MBTPS2: variants seen among roughly 807,000 people sequenced by gnomAD.
The protein encoded by MBTPS2 is membrane bound transcription factor peptidase, site 2.
In MBTPS2, 2 loss-of-function variants were observed where a neutral mutation model predicts 35.4. That is an observed-to-expected ratio of 0.06 (90% CI 0.02 to 0.18). MBTPS2 has a LOEUF of 0.18. MBTPS2 is among the 10% of genes least tolerant of loss of function. The pLI is 1.00. For missense variants in MBTPS2, 244 were observed against 386.5 expected (o/e 0.63, Z 3.09); for synonymous variants, 125 against 140.4 (o/e 0.89, Z 0.77).
intron 3 of MBTPS2, among the ~76,000 whole-genome samples, chrX:21,847,982 G>A: frequency 8.9e-6 from 1 of 112,059 alleles, no homozygotes; most frequent in Non-Finnish European, 1.9e-5. Context: ...TTCAAATATA[G>A]AAAAAATAGT....
chrX:21,857,918 G>T, intron 5 of MBTPS2: 1 of 196,417 alleles, frequency 5.1e-6, no homozygotes, highest in Admixed American at 7.3e-5. Flanking sequence ...TGTTTAAAAT[G>T]GGACTTTTCA....
Position 21,884,281 on chromosome X carries a change from A to G in MBTPS2, c.*1626A>G. ...TTGTTCTATTTTTAGGTAGACAATC[A>G]TTTGGGATCAGAGTACATTAGCATA... is the stretch of plus-strand genomic sequence containing the variant. On this transcript the variant is annotated 3_prime_UTR_variant, in exon 11 of 11. Coordinates refer to ENST00000379484, the MANE Select transcript of MBTPS2 (RefSeq NM_015884.4). 4.0e-6 allele frequency: 3 copies of G among 742,843 alleles called. No homozygotes were observed. Among genetic ancestry groups the G allele is most frequent in the Non-Finnish European group, 4.8e-6 (3 of 628,526 alleles). The allele number at this position is 742,843 out of a possible 1,213,427, so 61.2% of individuals were successfully genotyped here.
chrX:21,862,118 A>T (rs1333383652), intron 5 of MBTPS2, among the ~76,000 whole-genome samples: 1 of 111,428 alleles, frequency 9.0e-6, no homozygotes, highest in Non-Finnish European at 1.9e-5. Flanking sequence ...TCATAGCTAC[A>T]TTACAGCCCA....
At chrX:21,858,894 A>C (rs1160406260) in intron 5 of MBTPS2, among the ~76,000 whole-genome samples, 2 of 102,702 alleles carry the variant, frequency 1.9e-5, no homozygotes, top group East Asian at 6.2e-4. Context: ...GTGTCAAAAA[A>C]AAAAAAAAAA....
chrX:21,883,748 G>A lies in MBTPS2; in HGVS notation c.*1093G>A. The A allele has an allele frequency of 1.3e-6, 1 of 753,210 alleles. No homozygotes were observed. Among genetic ancestry groups the A allele is most frequent in the Non-Finnish European group, 1.6e-6 (1 of 638,573 alleles). The allele number at this position is 753,210 out of a possible 1,213,427, so 62.1% of individuals were successfully genotyped here. A position where few individuals can be genotyped will look rare whatever the true frequency, so the allele number is the denominator to read the frequency against. On this transcript the variant is annotated 3_prime_UTR_variant, in exon 11 of 11. Coordinates refer to ENST00000379484, the MANE Select transcript of MBTPS2 (RefSeq NM_015884.4). Reference sequence around the variant, plus strand: ...ACCTCTCTGGGTCCACAGAAGACTTGGTAGTATAGTGAGAATGGCTATACG... The same window carrying A: ...ACCTCTCTGGGTCCACAGAAGACTTAGTAGTATAGTGAGAATGGCTATACG...
At position 21,856,992 on chromosome X, in the gene MBTPS2, G is replaced by A. The variant is rs2092923838; in HGVS notation, c.670+3489G>A. On this transcript the variant is annotated intron_variant, in intron 5 of 10. Coordinates refer to ENST00000379484, the MANE Select transcript of MBTPS2 (RefSeq NM_015884.4). ...CTCCAGCCTGGGCACGAGGAAGTGG[G>A]AGCAGAAGCAAATGCAGGTCAAAAC... 1 of 1,210,566 alleles carries A rather than the reference G, an allele frequency of 8.3e-7. No homozygotes were observed. The highest frequency in any genetic ancestry group is 1.7e-5 in the African/African-American group (1 of 57,263).
At chrX:21,863,713 C>T (rs748943700) in intron 5 of MBTPS2, among the ~76,000 whole-genome samples, 21 of 111,653 alleles carry the variant, frequency 1.9e-4, no homozygotes, top group Admixed American at 1.6e-3. Flanking sequence ...GGTCCACGCA[C>T]CTCTTTCAGA....
In MBTPS2 at chrX:21,878,704, T is replaced by C. The variant is rs1169411871; in HGVS notation, c.1261+12T>C. ...TCTTCACTACACAGGTGAGTATTTT[T>C]GTGGTAGACCCTTAGAAAATCATTA... On this transcript the variant is annotated intron_variant, in intron 9 of 10. Coordinates refer to ENST00000379484, the MANE Select transcript of MBTPS2 (RefSeq NM_015884.4). The C allele has an allele frequency of 8.8e-6, 10 of 1,140,356 alleles. No individual in the cohort carries two copies. The Admixed American group carries it at 2.2e-4, about 25-fold the overall frequency. 94.0% of individuals were successfully genotyped at this position (1,140,356 alleles called of 1,213,427 possible).
rs1602156787 is a variant in MBTPS2, at chrX:21,885,285, T to C, written c.*2630T>C. 1 of 750,323 alleles carries C rather than the reference T, an allele frequency of 1.3e-6. No homozygotes were observed. Among genetic ancestry groups the C allele is most frequent in the Non-Finnish European group, 1.6e-6 (1 of 636,914 alleles). The allele number at this position is 750,323 out of a possible 1,213,427, so 61.8% of individuals were successfully genotyped here. On this transcript the variant is annotated 3_prime_UTR_variant, in exon 11 of 11. Coordinates refer to ENST00000379484, the MANE Select transcript of MBTPS2 (RefSeq NM_015884.4). ...TATTTATTGAATGTTCACATACTAA[T>C]GGTGCACAGGTGTTTTTTTCTATAA... is the stretch of plus-strand genomic sequence containing the variant.
intron 5 of MBTPS2, among the ~76,000 whole-genome samples, chrX:21,867,054 A>G (rs1045481399): frequency 4.5e-5 from 5 of 110,826 alleles, no homozygotes; most frequent in Admixed American, 9.6e-5. Context: ...AAAAATCCTA[A>G]TTTGAATAAT....
chrX:21,877,822 A>C (rs767774587), intron 7 of MBTPS2, among the ~76,000 whole-genome samples: 1 of 112,170 alleles, frequency 8.9e-6, no homozygotes, highest in African/African-American at 3.2e-5. Context: ...GAGGACAACT[A>C]ACCTAGGGTA....
At chrX:21,853,969 G>A (rs2092917540) in intron 5 of MBTPS2, among the ~76,000 whole-genome samples, 1 of 111,333 alleles carries the variant, frequency 9.0e-6, no homozygotes, top group Non-Finnish European at 1.9e-5. Context: ...AGTTCCAGCT[G>A]AGTGAAACTG....
At chrX:21,876,638 C>T (rs994605119) in intron 7 of MBTPS2, among the ~76,000 whole-genome samples, 6 of 110,320 alleles carry the variant, frequency 5.4e-5, no homozygotes, top group Non-Finnish European at 1.1e-4. Flanking sequence ...TTTCCTTTGC[C>T]TCTGTTTGGT....
chrX:21,854,310 A>G (rs1260289862), intron 5 of MBTPS2, among the ~76,000 whole-genome samples: 2 of 111,994 alleles, frequency 1.8e-5, no homozygotes, highest in Non-Finnish European at 3.8e-5. Context: ...AACAGACCCT[A>G]TATCAAAAGA....
chrX:21,859,919 T>C (rs6528062), intron 5 of MBTPS2, among the ~76,000 whole-genome samples: 39,368 of 99,912 alleles, frequency 0.39, 6,120 homozygotes, highest in East Asian at 0.54. Flanking sequence ...ATGGCATAAC[T>C]CGGTCTCTAC....
At chrX:21,851,468 A>G in intron 3 of MBTPS2, 41 bp from the exon 4 acceptor site, 1 of 851,589 alleles carries the variant, frequency 1.2e-6, no homozygotes, top group Non-Finnish European at 1.8e-6. Context: ...ACTCCCCTGC[A>G]CCCCCACTGA....
intron 5 of MBTPS2, chrX:21,857,599 C>G (rs145088011): frequency 1.7e-6 from 2 of 1,197,967 alleles, no homozygotes; most frequent in African/African-American, 3.5e-5. Flanking sequence ...AAAAACAACC[C>G]GTGAAAAGGA....
intron 5 of MBTPS2, chrX:21,856,333 AGCTCGC>A: frequency 2.0e-6 from 1 of 495,617 alleles, no homozygotes; most frequent in East Asian, 3.4e-5. Context: ...CTTTCTCTGC[AGCTCGC>A]GCCTTTCTCT....
intron 5 of MBTPS2, among the ~76,000 whole-genome samples, chrX:21,855,632 A>G (rs977059322): frequency 1.8e-5 from 2 of 110,610 alleles, no homozygotes; most frequent in Non-Finnish European, 3.8e-5. Flanking sequence ...GGGTTTTGCC[A>G]TGTTGGCTAG....
Sources: allele counts gnomAD v4.1 joint callset (sites outside exome capture counted in the v4.1 genomes callset), GRCh38; gene constraint gnomAD v4.1.1; transcripts MANE v1.5; gene names NCBI Gene and HGNC (gene_info 2026-07-23, HGNC 2026-07-21).